Variants in GLRX2 observed in about 807,000 individuals in gnomAD.
GLRX2 encodes the protein bA101E13.1 (GRX2 glutaredoxin (thioltransferase) 2).
A neutral mutation model predicts 16.4 loss-of-function variants in GLRX2; 12 were observed. That is an observed-to-expected ratio of 0.73 (90% CI 0.47 to 1.19). The LOEUF (loss-of-function observed/expected upper bound fraction) is 1.19. Ranked by LOEUF, GLRX2 falls within the 50% of genes most tolerant of loss-of-function variation. The pLI is 0.00. For missense variants in GLRX2, 201 were observed against 201.8 expected (o/e 1.00, Z 0.02); for synonymous variants, 95 against 76.2 (o/e 1.25, Z -1.28).
chr1:193,098,842 C>T (rs528895059), intron 2 of GLRX2, among the ~76,000 whole-genome samples: 7 of 152,174 alleles, frequency 4.6e-5, no homozygotes, highest in South Asian at 2.1e-4. Flanking sequence ...TGAGCCACCG[C>T]GCCCAGCCCC....
rs199693744 is a variant in GLRX2 at position 193,101,211 on chromosome 1, G to C, written c.120-7C>G. On this transcript the variant is annotated splice_region_variant and splice_polypyrimidine_tract_variant and intron_variant, in intron 1 of 3. Transcript: ENST00000367439. ...TGATGTATTGCTCTCCATCCTAAAAGGAATTTAAGAGAACAATGTAGTTTA... is the reference window on the plus strand; with the variant it reads ...TGATGTATTGCTCTCCATCCTAAAACGAATTTAAGAGAACAATGTAGTTTA... 3 of 1,575,604 alleles carry C rather than the reference G, an allele frequency of 1.9e-6. No individual in the cohort carries two copies. Among genetic ancestry groups the C allele is most frequent in the African/African-American group, 1.3e-5 (1 of 74,108 alleles).
At position 193,096,764 on chromosome 1, in the gene GLRX2, T is replaced by C. The variant is rs1674967929; in HGVS notation, c.361-5A>G. 1 of 1,599,134 alleles carries C rather than the reference T, an allele frequency of 6.3e-7. No homozygotes were observed. The highest frequency in any genetic ancestry group is 8.5e-7 in the Non-Finnish European group (1 of 1,173,588). On this transcript the variant is annotated splice_region_variant and splice_polypyrimidine_tract_variant and intron_variant, in intron 3 of 3. Coordinates refer to ENST00000367439, the MANE Select transcript of GLRX2 (RefSeq NM_197962.3). ...ATTGACAAATATTCTTGGAACCTGTTGGACAAACAAAAGAAGAATTAGGCT... is the reference window on the plus strand; with the variant it reads ...ATTGACAAATATTCTTGGAACCTGTCGGACAAACAAAAGAAGAATTAGGCT...
upstream of GLRX2, chr1:193,105,912 C>T (rs1675191386): frequency 2.8e-6 from 3 of 1,085,256 alleles, no homozygotes; most frequent in East Asian, 5.8e-5. Context: ...TTGGGGTTTA[C>T]ATCCATAATT....
In GLRX2 at chr1:193,105,357, G is replaced by A. The variant is rs1489344897; in HGVS notation, c.26C>T (p.Ala9Val). The change falls in exon 1 of 4, where the codon GCG becomes GTG. Residue 9 changes from alanine (A) to valine (V), a missense_variant. Physicochemically the swap from Ala to Val is moderately conservative, Grantham distance 64 (BLOSUM62 0). Transcript: ENST00000367439. Reference sequence around the variant, plus strand: ...CCTGCTCCAAACCAGCCGCGTCCCCGCCAGCGCCGCGCGGCGCCAAATCAT... The same window carrying A: ...CCTGCTCCAAACCAGCCGCGTCCCCACCAGCGCCGCGCGGCGCCAAATCAT... The part of the protein sequence containing the change: MIWRRAAL[A>V]GTRLVWSRSG... 1.9e-6 allele frequency: 3 copies of A among 1,547,844 alleles called. No individual in the cohort carries two copies. The highest frequency in any genetic ancestry group is 1.4e-5 in the African/African-American group (1 of 70,530).
In GLRX2 at chr1:193,097,661, T is replaced by C. The variant is rs34237236; in HGVS notation, c.283A>G (p.Lys95Glu). The change falls in exon 3 of 4, where the codon AAA (lysine) becomes GAA (glutamate). Residue 95 changes from lysine (K) to glutamate (E), a missense_variant. By Grantham distance (56) the Lys-to-Glu change is moderately conservative (BLOSUM62 1). Coordinates refer to ENST00000367439, the MANE Select transcript of GLRX2 (RefSeq NM_197962.3). ...TCAAGCAGGTCCAGTTCCACCACTT[T>C]ATAGTTAACATTCATGTCATGGAAA... ...KLFHDMNVNY[K>E]VVELDLLEYG... The C allele has an allele frequency of 8.7e-6, 14 of 1,613,552 alleles. No homozygotes were observed. Among genetic ancestry groups the C allele is most frequent in the East Asian group, 2.2e-5 (1 of 44,850 alleles).
rs1311963990 is a variant in GLRX2, at chr1:193,097,680, A to G, written c.264T>C (p.His88=). The part of the protein sequence containing the change: ...SYCTMAKKLF[H]DMNVNYKVVE... Reference sequence around the variant, plus strand: ...CCACTTTATAGTTAACATTCATGTCATGGAAAAGCTTTTTTGCCATTGTAC... The same window carrying G: ...CCACTTTATAGTTAACATTCATGTCGTGGAAAAGCTTTTTTGCCATTGTAC... Residue 88 remains histidine (H), a synonymous_variant, in exon 3 of 4, where the codon CAT becomes CAC. Transcript: ENST00000367439. 6.2e-7 allele frequency: 1 copy of G among 1,613,256 alleles called. No individual in the cohort carries two copies. Among genetic ancestry groups the G allele is most frequent in the Non-Finnish European group, 8.5e-7 (1 of 1,179,392 alleles).
chr1:193,103,676 A>G (rs1675124805), intron 1 of GLRX2, among the ~76,000 whole-genome samples: 1 of 152,226 alleles, frequency 6.6e-6, no homozygotes, highest in African/African-American at 2.4e-5. Context: ...AGGAAGCTAC[A>G]GCAAACATCA....
intron 1 of GLRX2, 72 bp downstream of exon 1, chr1:193,105,192 C>A (rs927015736): frequency 5.4e-6 from 8 of 1,467,906 alleles, no homozygotes; most frequent in Non-Finnish European, 7.1e-6. Context: ...GGCACCTCCG[C>A]CCACCGCTTT....
At position 193,105,404 on chromosome 1, in the gene GLRX2, C is replaced by G; in HGVS notation, c.-22G>C. The G allele has an allele frequency of 1.3e-6, 2 of 1,517,582 alleles. No individual in the cohort carries two copies. The highest frequency in any genetic ancestry group is 1.8e-6 in the Non-Finnish European group (2 of 1,142,818). The allele number at this position is 1,517,582 out of a possible 1,614,324, so 94.0% of individuals were successfully genotyped here. A position where few individuals can be genotyped will look rare whatever the true frequency, so the allele number is the denominator to read the frequency against. On this transcript the variant is annotated 5_prime_UTR_variant, in exon 1 of 4. Coordinates refer to ENST00000367439, the MANE Select transcript of GLRX2 (RefSeq NM_197962.3). ...TCATGGTCAGAGCCCGGATCTGCAG[C>G]GAGCTCTACTGCCGGACACCGCGGA... is the stretch of plus-strand genomic sequence containing the variant.
At position 193,105,277 on chromosome 1, in the gene GLRX2, C is replaced by G. The variant is rs768452095; in HGVS notation, c.106G>C (p.Ala36Pro). The G allele has an allele frequency of 6.5e-7, 1 of 1,530,658 alleles. No individual in the cohort carries two copies. Among genetic ancestry groups the G allele is most frequent in the South Asian group, 1.2e-5 (1 of 83,606 alleles). 94.8% of individuals were successfully genotyped at this position (1,530,658 alleles called of 1,614,324 possible). ...RAAGAAGAAA[A>P]AASGMESNTS... ...CTGACCCCGTACCCAGAGGCCGCAGCTGCCGCAGCTCCCGCAGCTCCCGCC... is the reference window on the plus strand; with the variant it reads ...CTGACCCCGTACCCAGAGGCCGCAGGTGCCGCAGCTCCCGCAGCTCCCGCC... Residue 36 changes from alanine (A) to proline (P), a missense_variant, in exon 1 of 4, where the codon GCT becomes CCT. Physicochemically the swap from Ala to Pro is conservative, Grantham distance 27 (BLOSUM62 -1). Coordinates refer to ENST00000367439, the MANE Select transcript of GLRX2 (RefSeq NM_197962.3).
intron 1 of GLRX2, among the ~76,000 whole-genome samples, chr1:193,103,847 G>A (rs2103101728): frequency 6.6e-6 from 1 of 152,286 alleles, no homozygotes; most frequent in South Asian, 2.1e-4. Flanking sequence ...AACTCAGGAA[G>A]GAGTTAAGGG....
intron 1 of GLRX2, among the ~76,000 whole-genome samples, chr1:193,104,985 T>C (rs983051395): frequency 3.9e-5 from 6 of 152,220 alleles, no homozygotes; most frequent in Non-Finnish European, 5.9e-5. Context: ...CGGCGTCTTG[T>C]ATTTTATGTA....
upstream of GLRX2, chr1:193,105,901 A>T (rs1675191149): frequency 3.6e-6 from 4 of 1,114,552 alleles, no homozygotes; most frequent in South Asian, 1.7e-4. Context: ...TTATGGGGAT[A>T]TTGGGGTTTA....
chr1:193,098,999 A>G (rs1451083998), intron 2 of GLRX2, among the ~76,000 whole-genome samples: 6 of 152,208 alleles, frequency 3.9e-5, no homozygotes. Context: ...CCTTTCCTAT[A>G]TACCTTTATA....
chr1:193,099,856 C>A (rs1675037925), intron 2 of GLRX2, among the ~76,000 whole-genome samples: 1 of 152,124 alleles, frequency 6.6e-6, no homozygotes, highest in South Asian at 2.1e-4. Flanking sequence ...GCCTGCCATA[C>A]CAGAGATGTA....
chr1:193,100,099 G>A (rs891669981), intron 2 of GLRX2, among the ~76,000 whole-genome samples: 6 of 152,158 alleles, frequency 3.9e-5, no homozygotes, highest in East Asian at 1.9e-4. Flanking sequence ...AGATGACAGC[G>A]TTAGGGTTTC....
intron 2 of GLRX2, among the ~76,000 whole-genome samples, chr1:193,100,296 G>A (rs1441381961): frequency 1.3e-5 from 2 of 152,136 alleles, no homozygotes; most frequent in Admixed American, 6.5e-5. Context: ...CCAACATGGT[G>A]AAACCCCATC....
chr1:193,105,937 G>A (rs549461564), upstream of GLRX2: 1 of 1,042,686 alleles, frequency 9.6e-7, no homozygotes, highest in South Asian at 4.5e-5. Context: ...GAAAAAATCC[G>A]GTGTTGAAGG....
At chr1:193,098,522 AAAAC>A (rs1031942986) in intron 2 of GLRX2, among the ~76,000 whole-genome samples, 52 of 152,180 alleles carry the variant, frequency 3.4e-4, no homozygotes, top group African/African-American at 1.1e-3. Context: ...ACTCTGTCTC[AAAAC>A]AAACAAACAA....
Sources: gnomAD v4.1 joint callset for allele counts (sites outside exome capture counted in the v4.1 genomes callset) on GRCh38, gnomAD v4.1.1 for gene constraint, MANE v1.5 for transcripts, NCBI Gene and HGNC (gene_info 2026-07-23, HGNC 2026-07-21) for gene names.